The following LIPA variants were observed in gnomAD, a reference collection of about 807,000 sequenced individuals.
LIPA encodes the protein lysosomal acid lipase/cholesteryl ester hydrolase.
A neutral mutation model predicts 40.6 loss-of-function variants in LIPA; 26 were observed. The ratio of observed to expected loss-of-function variants is 0.64; its 90% CI spans 0.47 to 0.89. The LOEUF is 0.89. Among genes scored for constraint, LIPA ranks in the 40% least tolerant of loss-of-function variants. LIPA has a pLI of 0.00. For missense variants in LIPA, 455 were observed against 479.6 expected (o/e 0.95, Z 0.48); for synonymous variants, 188 against 168.4 (o/e 1.12, Z -0.90).
chr10:89,403,776 T>C (rs1844483243), intron 2 of LIPA: 3 of 867,930 alleles, frequency 3.5e-6, no homozygotes, highest in Non-Finnish European at 5.4e-6. Context: ...CTAATCATCT[T>C]TTCTGCTTAC....
At chr10:89,244,577 C>T (rs569276692) in intron 3 of LIPA, among the ~76,000 whole-genome samples, 73 of 151,884 alleles carry the variant, frequency 4.8e-4, no homozygotes, top group Middle Eastern at 3.4e-3. Context: ...ACCGAAAATC[C>T]GTCTCAAAAA....
intron 1 of LIPA, among the ~76,000 whole-genome samples, chr10:89,318,326 C>T (rs542877214): frequency 1.3e-5 from 2 of 152,220 alleles, no homozygotes; most frequent in South Asian, 4.1e-4. Context: ...AGAGCCATCT[C>T]ATGGCAGAGA....
Position 89,410,763 on chromosome 10 carries a change from T to C in LIPA, c.61+2028A>G, listed in dbSNP as rs183909093. Among the ~76,000 whole-genome samples the C allele has an allele frequency of 2.7e-3, 413 of 152,126 alleles. 7 individuals carry two copies. Among genetic ancestry groups the C allele is most frequent in the Non-Finnish European group, 1.6e-3 (108 of 67,992 alleles). ...TAAATAACACAGGGAAACCACGGAG[T>C]TATTGCACGCGGTGCAAAAACCCAA... is the stretch of plus-strand genomic sequence containing the variant. On this transcript the variant is annotated intron_variant, in intron 2 of 8. Transcript: ENST00000371837.
Position 89,412,923 on chromosome 10 carries a change from CTGGAA to C in LIPA, c.-71-6_-71-2del. ...TGAAGTCACCAAGACCAAAAACCTA[CTGGAA>C]GGAACCAATTCCGGACACACCATCA... On this transcript the variant is annotated splice_acceptor_variant and splice_polypyrimidine_tract_variant and intron_variant, in intron 1 of 8. Transcript: ENST00000371837. LOFTEE classifies it low-confidence loss of function (5UTR_SPLICE). 2 of 257,490 alleles carry C rather than the reference CTGGAA, an allele frequency of 7.8e-6. No homozygotes were observed. The highest frequency in any genetic ancestry group is 5.2e-5 in the Admixed American group (1 of 19,318). 16.0% of individuals were successfully genotyped at this position (257,490 alleles called of 1,614,324 possible).
intron 1 of LIPA, among the ~76,000 whole-genome samples, chr10:89,320,639 C>T (rs544128854): frequency 1.1e-3 from 163 of 152,324 alleles, no homozygotes; most frequent in Non-Finnish European, 2.0e-3. Flanking sequence ...AATGGCCATA[C>T]TGCCCAAGGT....
At chr10:89,219,332 C>G (rs1341369944) in intron 8 of LIPA, among the ~76,000 whole-genome samples, 1 of 152,124 alleles carries the variant, frequency 6.6e-6, no homozygotes, top group African/African-American at 2.4e-5. Flanking sequence ...CACTGGAAAA[C>G]TACACTGGGA....
chr10:89,339,398 C>G, intron 1 of LIPA: 1 of 1,614,126 alleles, frequency 6.2e-7, no homozygotes, highest in Non-Finnish European at 8.5e-7. Context: ...CGCAGTGCAG[C>G]CAAATTTTAC....
At chr10:89,320,880 A>G (rs1843567481) in intron 1 of LIPA, among the ~76,000 whole-genome samples, 1 of 152,082 alleles carries the variant, frequency 6.6e-6, no homozygotes, top group South Asian at 2.1e-4. Context: ...ATATAGACCA[A>G]TGGAACAGAA....
chr10:89,305,821 A>G, intron 1 of LIPA: 1 of 652,184 alleles, frequency 1.5e-6, no homozygotes, highest in Non-Finnish European at 2.7e-6. Context: ...AAGGAAAAAC[A>G]TATTATAGAA....
chr10:89,365,436 C>T (rs1049843384), intron 2 of LIPA, among the ~76,000 whole-genome samples: 3 of 152,170 alleles, frequency 2.0e-5, no homozygotes, highest in African/African-American at 7.2e-5. Context: ...TTTTGCTGTG[C>T]AGAAGCTCTT....
At chr10:89,343,083 C>T (rs1843886592), upstream of LIPA, among the ~76,000 whole-genome samples, 1 of 152,146 alleles carries the variant, frequency 6.6e-6, no homozygotes, top group Admixed American at 6.5e-5. Context: ...AATACCTCTC[C>T]TTACTCATTG....
rs1842728167 is a variant in LIPA, at chr10:89,223,630, TA to T, written c.822+53del. 2.9e-6 allele frequency: 4 copies of T among 1,386,234 alleles called. No homozygotes were observed. The East Asian group carries it at 9.1e-5, about 32-fold the overall frequency. The allele number at this position is 1,386,234 out of a possible 1,614,324, so 85.9% of individuals were successfully genotyped here. On this transcript the variant is annotated intron_variant, in intron 7 of 9. Coordinates refer to ENST00000336233, the MANE Select transcript of LIPA (RefSeq NM_000235.4). ...CCTCTCCCATATCATTCAACACAAA[TA>T]AGCACATTCACAGATAAAAAAAAAA...
intron 1 of LIPA, chr10:89,306,998 G>A (rs1297230909): frequency 6.8e-6 from 11 of 1,613,884 alleles, no homozygotes; most frequent in Non-Finnish European, 9.3e-6. Context: ...TGCTCTAGCA[G>A]ATCAGTATGA....
intron 6 of LIPA, among the ~76,000 whole-genome samples, chr10:89,224,807 A>G (rs935507750): frequency 1.3e-5 from 2 of 152,158 alleles, no homozygotes; most frequent in Admixed American, 1.3e-4. Flanking sequence ...CAAATGCTTA[A>G]ATTATTTTCT....
intron 1 of LIPA, among the ~76,000 whole-genome samples, chr10:89,258,843 A>T (rs1195740112): frequency 2.6e-5 from 4 of 152,258 alleles, no homozygotes; most frequent in Admixed American, 2.6e-4. Context: ...ATAAAATTTG[A>T]TATGTTCATA....
chr10:89,332,852 G>A (rs895378477), intron 1 of LIPA, among the ~76,000 whole-genome samples: 13 of 151,974 alleles, frequency 8.6e-5, no homozygotes, highest in East Asian at 7.7e-4. Context: ...GGGAAGGGAC[G>A]GGGCATATTG....
At chr10:89,402,736 G>GA in intron 2 of LIPA, 1 of 1,614,196 alleles carries the variant, frequency 6.2e-7, no homozygotes, top group Non-Finnish European at 8.5e-7. Context: ...AAGTGTGGAG[G>GA]AAAAAATTAT....
intron 2 of LIPA, among the ~76,000 whole-genome samples, chr10:89,350,488 G>A (rs1299330936): frequency 1.3e-5 from 2 of 151,982 alleles, no homozygotes; most frequent in Non-Finnish European, 1.5e-5. Context: ...TGTATTTTTA[G>A]TAGAGAAGGG....
chr10:89,267,680 G>A (rs1786949861), intron 1 of LIPA, among the ~76,000 whole-genome samples: 1 of 144,092 alleles, frequency 6.9e-6, no homozygotes, highest in East Asian at 2.1e-4. Context: ...GTATACATAT[G>A]TAACTAACCT....
Sources: gnomAD v4.1 joint callset for allele counts (sites outside exome capture counted in the v4.1 genomes callset) on GRCh38, gnomAD v4.1.1 for gene constraint, MANE v1.5 for transcripts, NCBI Gene and HGNC (gene_info 2026-07-23, HGNC 2026-07-21) for gene names.